MORC3: variants seen among roughly 807,000 people sequenced by gnomAD.
The protein encoded by MORC3 is MORC family CW-type zinc finger protein 3.
Under a neutral mutation model 109.1 loss-of-function variants are expected in MORC3, and 31 were observed. The observed-to-expected ratio is 0.28, with a 90% confidence interval of 0.21 to 0.38. MORC3 has a LOEUF of 0.38. Ranked by LOEUF, MORC3 falls within the 10% of genes least tolerant of loss-of-function variation. MORC3 has a pLI of 1.00. For missense variants in MORC3, 867 were observed against 1,135.8 expected, an observed-to-expected ratio of 0.76 and a Z score of 3.40; for synonymous variants, 395 against 380.7, an observed-to-expected ratio of 1.04 and a Z score of -0.44.
At chr21:36,356,984 A>G (rs1056368883) in intron 10 of MORC3, among the ~76,000 whole-genome samples, 1 of 152,236 alleles carries the variant, frequency 6.6e-6, no homozygotes, top group Non-Finnish European at 1.5e-5. Flanking sequence ...GATGGATTAT[A>G]TAATAGTTTG....
In MORC3 at chr21:36,368,973, T is replaced by TAA; in HGVS notation, c.1620-12_1620-11dup. 6.4e-7 allele frequency: 1 copy of TAA among 1,569,486 alleles called. No homozygotes were observed. Among genetic ancestry groups the TAA allele is most frequent in the Non-Finnish European group, 8.6e-7 (1 of 1,157,296 alleles). ...ATTTTATAATCTTATGTTTTATGTATAAAATTTTTTTCAGCTTGAAACGGA... is the reference window on the plus strand; with the variant it reads ...ATTTTATAATCTTATGTTTTATGTATAAAAAATTTTTTTCAGCTTGAAACGGA... On this transcript the variant is annotated splice_polypyrimidine_tract_variant and intron_variant, in intron 14 of 16. Transcript: ENST00000400485.
chr21:36,338,750 C>T (rs1369743666), intron 4 of MORC3, 24 bp from the exon 5 acceptor site: 1 of 1,574,296 alleles, frequency 6.4e-7, no homozygotes, highest in African/African-American at 1.4e-5. Context: ...TGTTGTCAAT[C>T]TGAGTCTTTA....
rs77138563 is a variant in MORC3, at chr21:36,359,227, T to G, written c.1209-728T>G. On this transcript the variant is annotated intron_variant, in intron 10 of 16. Transcript: ENST00000400485. ...TGAAATATTAAGTTATAGAAAAAAT[T>G]TAATGCTATTAAGACATAAGTCACA... 1.5e-3 allele frequency among the ~76,000 whole-genome samples: 231 copies of G among 152,252 alleles called. 1 individual carries two copies. The East Asian group carries it at 0.035, about 23-fold the overall frequency.
intron 5 of MORC3, 155 bp downstream of exon 5, chr21:36,339,076 A>G: frequency 4.8e-6 from 4 of 832,366 alleles, no homozygotes; most frequent in Admixed American, 2.9e-5. Context: ...AGGATATGTT[A>G]TAGAGGCCAT....
chr21:36,357,539 C>T (rs78301648), intron 10 of MORC3, among the ~76,000 whole-genome samples: 69 of 151,960 alleles, frequency 4.5e-4, no homozygotes, highest in Non-Finnish European at 7.9e-4. Context: ...CATGAGCCAC[C>T]GTGCCCAGCT....
chr21:36,372,314 C>T, intron 15 of MORC3, 60 bp from the exon 16 acceptor site: 4 of 1,409,504 alleles, frequency 2.8e-6, no homozygotes, highest in Non-Finnish European at 3.8e-6. Context: ...CTTGAAATTT[C>T]ACTTTGCCAT....
chr21:36,360,711 G>A (rs2085703694), intron 12 of MORC3: 2 of 178,282 alleles, frequency 1.1e-5, no homozygotes, highest in Admixed American at 5.5e-5. Flanking sequence ...TCATGAAGGA[G>A]GTCATTTTTG....
intron 1 of MORC3, chr21:36,320,810 C>T (rs1346467808): frequency 1.3e-5 from 2 of 155,144 alleles, no homozygotes; most frequent in Non-Finnish European, 1.4e-5. Flanking sequence ...CCTGCAGCTT[C>T]CTTGGCAGTG....
intron 2 of MORC3, among the ~76,000 whole-genome samples, chr21:36,335,287 G>GGAA (rs2085363303): frequency 6.6e-6 from 1 of 150,668 alleles, no homozygotes; most frequent in South Asian, 2.1e-4. Context: ...TATCATAGAT[G>GGAA]GAAGATAAAA....
At chr21:36,367,241 A>T (rs1169929251) in intron 14 of MORC3, among the ~76,000 whole-genome samples, 1 of 152,232 alleles carries the variant, frequency 6.6e-6, no homozygotes, top group Non-Finnish European at 1.5e-5. Flanking sequence ...CTGAATGGTC[A>T]GAAATCCACC....
rs771013022 is a variant in MORC3 at position 36,369,035 on chromosome 21, A to T, written c.1667A>T (p.Asn556Ile). ...STRSSILNAK[N>I]RRLSSQFENS... is the part of the protein sequence containing the mutation. ...CGTTCCTCAATTTTGAATGCAAAGAATCGGAGATTGAGTAGTCAGTTTGAA... is the reference window on the plus strand; with the variant it reads ...CGTTCCTCAATTTTGAATGCAAAGATTCGGAGATTGAGTAGTCAGTTTGAA... The change falls in exon 15 of 17, where the codon AAT (asparagine) becomes ATT (isoleucine). Residue 556 changes from asparagine to isoleucine, a missense_variant. Physicochemically the swap from Asn to Ile is moderately radical, Grantham distance 149. Around this residue, in one of 7 missense-constraint regions of MORC3, gnomAD observed 486 missense variants for 502.1 expected, o/e 0.97. Transcript: ENST00000400485. 1 of 1,613,674 alleles carries T rather than the reference A, an allele frequency of 6.2e-7. No individual in the cohort carries two copies. Among genetic ancestry groups the T allele is most frequent in the Non-Finnish European group, 8.5e-7 (1 of 1,179,684 alleles).
chr21:36,351,150 C>T (rs1213240052), intron 9 of MORC3, among the ~76,000 whole-genome samples: 2 of 145,682 alleles, frequency 1.4e-5, no homozygotes, highest in East Asian at 4.2e-4. Context: ...TTATTGCAAC[C>T]TCTGCCTCTG....
intron 1 of MORC3, among the ~76,000 whole-genome samples, chr21:36,321,154 C>T (rs1405735766): frequency 2.0e-5 from 3 of 152,186 alleles, no homozygotes; most frequent in South Asian, 2.1e-4. Flanking sequence ...GGTAGTGACT[C>T]CTTGGGGTAC....
chr21:36,369,998 G>A (rs1024967007), intron 15 of MORC3, 122 bp downstream of exon 15: 20 of 1,110,874 alleles, frequency 1.8e-5, no homozygotes, highest in Admixed American at 1.6e-4. Context: ...AGGCCAAGGC[G>A]GGTGGGTCAG....
chr21:36,333,783 T>C, intron 2 of MORC3, 65 bp downstream of exon 2: 6 of 1,354,918 alleles, frequency 4.4e-6, no homozygotes, highest in Non-Finnish European at 6.2e-6. Context: ...TTTTTTGTTT[T>C]GTTTTGTTTT....
At chr21:36,357,301 A>G (rs984536834) in intron 10 of MORC3, among the ~76,000 whole-genome samples, 19 of 152,224 alleles carry the variant, frequency 1.2e-4, no homozygotes, top group Admixed American at 6.5e-4. Context: ...TACATAATTT[A>G]TACATTATAC....
At chr21:36,354,978 A>G (rs1430748051) in intron 9 of MORC3, among the ~76,000 whole-genome samples, 3 of 152,074 alleles carry the variant, frequency 2.0e-5, no homozygotes, top group Non-Finnish European at 4.4e-5. Context: ...TCAACTGGCT[A>G]TCTTGTAAAT....
rs146005779 is a variant in MORC3, at chr21:36,338,757, T to C, written c.461-17T>C. The C allele has an allele frequency of 4.0e-4, 637 of 1,595,592 alleles. 1 individual carries two copies. The African/African-American group carries it at 7.9e-3, about 20-fold the overall frequency. On this transcript the variant is annotated splice_polypyrimidine_tract_variant and intron_variant, in intron 4 of 16. Coordinates refer to ENST00000400485, the MANE Select transcript of MORC3 (RefSeq NM_015358.3). The stretch of plus-strand genomic sequence containing the variant: ...GAAAACTATGTTGTCAATCTGAGTC[T>C]TTAACTTATGATATACGACAGATGA...
At chr21:36,368,234 T>C (rs1397444946) in intron 14 of MORC3, among the ~76,000 whole-genome samples, 2 of 152,212 alleles carry the variant, frequency 1.3e-5, no homozygotes, top group Non-Finnish European at 2.9e-5. Context: ...AATTATTTCA[T>C]ATGAAAGGAT....
Sources: gnomAD v4.1 joint callset for allele counts (sites outside exome capture counted in the v4.1 genomes callset) on GRCh38, gnomAD v4.1.1 for gene constraint, gnomAD v4.1.1 regional missense constraint, MANE v1.5 for transcripts, NCBI Gene and HGNC (gene_info 2026-07-23, HGNC 2026-07-21) for gene names.